Variants in PID1 observed in about 807,000 individuals in gnomAD.
PID1 encodes phosphotyrosine interaction domain containing 1.
PID1 carries 10 observed loss-of-function variants against 19.1 expected under a neutral mutation model. The observed-to-expected ratio is 0.52, with a 90% CI of 0.32 to 0.89. PID1 has a LOEUF of 0.89. Ranked by LOEUF, PID1 falls within the 40% of genes least tolerant of loss-of-function variation. PID1 has a pLI of 0.03. For missense variants in PID1, 248 were observed against 285.3 expected (o/e 0.87, Z 0.94); for synonymous variants, 130 against 116.0 (o/e 1.12, Z -0.78).
At chr2:229,043,463 C>G (rs766022862) in intron 2 of PID1, among the ~76,000 whole-genome samples, 2 of 152,006 alleles carry the variant, frequency 1.3e-5, no homozygotes, top group Non-Finnish European at 2.9e-5. Flanking sequence ...AAAAAAGAAG[C>G]TTTTCTCTTC....
intron 2 of PID1, among the ~76,000 whole-genome samples, chr2:229,082,904 A>G (rs1444579735): frequency 1.3e-5 from 2 of 152,174 alleles, no homozygotes; most frequent in African/African-American, 2.4e-5. Flanking sequence ...AAGCTGAAAA[A>G]GTTTGCATTA....
chr2:229,060,679 C>T (rs553223052), intron 2 of PID1, among the ~76,000 whole-genome samples: 6 of 152,024 alleles, frequency 3.9e-5, no homozygotes, highest in African/African-American at 9.7e-5. Context: ...CATTAGCTTT[C>T]GGAGGCACCT....
chr2:229,150,252 G>A (rs1690223395), intron 2 of PID1, among the ~76,000 whole-genome samples: 1 of 150,214 alleles, frequency 6.7e-6, no homozygotes, highest in Non-Finnish European at 1.5e-5. Flanking sequence ...AAAGGAGAGA[G>A]AGAGAGAAAG....
At chr2:229,085,653 C>A (rs1455409386) in intron 2 of PID1, among the ~76,000 whole-genome samples, 1 of 151,864 alleles carries the variant, frequency 6.6e-6, no homozygotes, top group East Asian at 1.9e-4. Context: ...ACTTGTGATA[C>A]CTGACAACAC....
intron 2 of PID1, among the ~76,000 whole-genome samples, chr2:229,056,464 C>A (rs1694102486): frequency 6.6e-6 from 1 of 152,094 alleles, no homozygotes; most frequent in Non-Finnish European, 1.5e-5. Flanking sequence ...ATGATTAAGT[C>A]ATCTGTCTTT....
At chr2:229,169,084 C>T (rs907706656) in intron 1 of PID1, among the ~76,000 whole-genome samples, 3 of 152,216 alleles carry the variant, frequency 2.0e-5, no homozygotes, top group African/African-American at 4.8e-5. Context: ...TTGCTTGATA[C>T]TAGCCTGTGA....
At chr2:229,269,892 TGGAA>T (rs1690689759) in intron 1 of PID1, among the ~76,000 whole-genome samples, 10 of 152,146 alleles carry the variant, frequency 6.6e-5, no homozygotes, top group African/African-American at 2.2e-4. Flanking sequence ...CAGGGAGCTT[TGGAA>T]AGGAGCTGTG....
At chr2:229,045,213 C>G (rs1450545798) in intron 2 of PID1, among the ~76,000 whole-genome samples, 1 of 152,168 alleles carries the variant, frequency 6.6e-6, no homozygotes, top group African/African-American at 2.4e-5. Flanking sequence ...CTTGGCCTCC[C>G]AAAATATTGG....
chr2:229,214,593 T>G (rs1018217028), intron 1 of PID1, among the ~76,000 whole-genome samples: 1 of 152,182 alleles, frequency 6.6e-6, no homozygotes, highest in Admixed American at 6.5e-5. Context: ...GTTTTATTAG[T>G]TAGTTTTCTT....
chr2:229,146,069 T>C (rs6716742), intron 2 of PID1, among the ~76,000 whole-genome samples: 66,792 of 152,030 alleles, frequency 0.44, 15,153 homozygotes, highest in South Asian at 0.57. Context: ...TGATGGCTTC[T>C]AGCTTCATCC....
chr2:229,263,120 T>C (rs1690502376), intron 1 of PID1, among the ~76,000 whole-genome samples: 1 of 152,202 alleles, frequency 6.6e-6, no homozygotes, highest in Admixed American at 6.5e-5. Context: ...TTAGTAGCTG[T>C]GTTGGTTAGG....
rs186186000 is a variant in PID1 at position 229,127,110 on chromosome 2, A to G, written c.177+28708T>C. On this transcript the variant is annotated intron_variant, in intron 2 of 2. Coordinates refer to ENST00000392055, the MANE Select transcript of PID1 (RefSeq NM_001100818.2). ...GAATTCACCACTCTGCCCACATTTC[A>G]TTGCTCAGATCTCAATCATTTAGGA... 1.9e-4 allele frequency among the ~76,000 whole-genome samples: 29 copies of G among 152,288 alleles called. No individual in the cohort carries two copies. The East Asian group carries it at 5.2e-3, about 27-fold the overall frequency.
chr2:229,199,594 T>G (rs909558532), intron 1 of PID1, among the ~76,000 whole-genome samples: 11 of 151,874 alleles, frequency 7.2e-5, no homozygotes, highest in African/African-American at 2.7e-4. Flanking sequence ...TTAGAGGATA[T>G]TTCCTTAAAC....
intron 1 of PID1, among the ~76,000 whole-genome samples, chr2:229,209,535 C>A (rs1187618961): frequency 6.6e-6 from 1 of 152,200 alleles, no homozygotes; most frequent in Admixed American, 6.5e-5. Flanking sequence ...GGGGAAGAAG[C>A]CTGGATCCCT....
At chr2:229,069,206 A>ACCT (rs1694401144) in intron 2 of PID1, among the ~76,000 whole-genome samples, 2 of 149,218 alleles carry the variant, frequency 1.3e-5, no homozygotes, top group African/African-American at 4.9e-5. Flanking sequence ...AGGGTCAGGT[A>ACCT]GAAAAATTAC....
intron 1 of PID1, among the ~76,000 whole-genome samples, chr2:229,197,636 T>C (rs543688255): frequency 2.4e-4 from 37 of 152,130 alleles, no homozygotes; most frequent in Non-Finnish European, 3.7e-4. Context: ...TGTTCTACAT[T>C]GGGTGGTAAA....
At chr2:229,058,681 C>A (rs951255471) in intron 2 of PID1, among the ~76,000 whole-genome samples, 5 of 142,562 alleles carry the variant, frequency 3.5e-5, no homozygotes, top group South Asian at 2.2e-4. Flanking sequence ...AATAAATTTG[C>A]GTTTGATCAC....
intron 2 of PID1, among the ~76,000 whole-genome samples, chr2:229,089,921 A>T (rs1490329308): frequency 6.6e-6 from 1 of 152,134 alleles, no homozygotes; most frequent in Non-Finnish European, 1.5e-5. Flanking sequence ...GAGAGACAGA[A>T]GAACTGAAAT....
intron 1 of PID1, among the ~76,000 whole-genome samples, chr2:229,163,782 T>C (rs1351648336): frequency 6.6e-6 from 1 of 151,954 alleles, no homozygotes; most frequent in African/African-American, 2.4e-5. Flanking sequence ...CCTAGTTAAG[T>C]AGTTTCTGTC....
Sources: gnomAD v4.1 joint callset for allele counts (sites outside exome capture counted in the v4.1 genomes callset) on GRCh38, gnomAD v4.1.1 for gene constraint, MANE v1.5 for transcripts, NCBI Gene and HGNC (gene_info 2026-07-23, HGNC 2026-07-21) for gene names.